DNAH17: variants seen among roughly 807,000 people sequenced by gnomAD.
DNAH17 encodes the protein axonemal beta dynein heavy chain 17.
A neutral mutation model predicts 485.6 loss-of-function variants in DNAH17; 376 were observed. That is an observed-to-expected ratio of 0.77 (90% CI 0.71 to 0.84). DNAH17 has a LOEUF of 0.84. Ranked by LOEUF, DNAH17 falls within the 40% of genes least tolerant of loss-of-function variation. The probability of loss-of-function intolerance (pLI) is 0.00; values close to 1 mark genes in which losing one functional copy is unlikely to be tolerated. For missense variants in DNAH17, 6,370 were observed against 5,839.3 expected (o/e 1.09, Z -2.96); for synonymous variants, 3,031 against 2,405.9 (o/e 1.26, Z -7.60).
rs1439984739 is a variant in DNAH17, at chr17:78,499,029, G to A, written c.5724C>T (p.Val1908=). ...FDEFNRISVE[V]LSVIAVQVKC... ...TTACCTGCACGGCAATCACAGACAA[G>A]ACTTCCACTGAGATGCGATTAAACT... The change falls in exon 37 of 81, where the codon GTC becomes GTT. Residue 1908 remains valine (V), a synonymous_variant. Transcript: ENST00000389840. 3.7e-6 allele frequency: 6 copies of A among 1,610,502 alleles called. No individual in the cohort carries two copies. Among genetic ancestry groups the A allele is most frequent in the Non-Finnish European group, 3.4e-6 (4 of 1,178,392 alleles).
At chr17:78,489,732 A>C (rs1344643260) in intron 44 of DNAH17, among the ~76,000 whole-genome samples, 1 of 146,554 alleles carries the variant, frequency 6.8e-6, no homozygotes, top group Non-Finnish European at 1.5e-5. Context: ...TTTTTTCATC[A>C]CTCTCTACAT....
intron 19 of DNAH17, among the ~76,000 whole-genome samples, chr17:78,533,502 TAGAGC>T (rs943460803): frequency 3.9e-5 from 6 of 152,052 alleles, no homozygotes; most frequent in African/African-American, 1.4e-4. Flanking sequence ...TGTCGGTGGC[TAGAGC>T]AGAGAGCACG....
chr17:78,547,817 C>T (rs1391590601), intron 16 of DNAH17, among the ~76,000 whole-genome samples: 1 of 152,154 alleles, frequency 6.6e-6, no homozygotes, highest in African/African-American at 2.4e-5. Context: ...AGGGTTTCGC[C>T]ATGTGGGCCA....
intron 44 of DNAH17, among the ~76,000 whole-genome samples, chr17:78,487,602 G>A (rs1438232918): frequency 6.6e-6 from 1 of 152,172 alleles, no homozygotes; most frequent in Non-Finnish European, 1.5e-5. Context: ...TCGGCTCACT[G>A]CAACTTCTGC....
chr17:78,570,809 G>A (rs2092341330), intron 6 of DNAH17, 139 bp downstream of exon 6: 4 of 604,658 alleles, frequency 6.6e-6, no homozygotes, highest in South Asian at 6.5e-5. Flanking sequence ...AGTGAGCCGA[G>A]ATCGCGCCAC....
intron 52 of DNAH17, 113 bp from the exon 53 acceptor site, chr17:78,475,946 C>T: frequency 8.0e-7 from 1 of 1,247,744 alleles, no homozygotes. Flanking sequence ...ACCACGGGGT[C>T]CCAGGCCAAG....
At chr17:78,554,450 A>G (rs2091976240) in intron 14 of DNAH17, among the ~76,000 whole-genome samples, 1 of 142,152 alleles carries the variant, frequency 7.0e-6, no homozygotes, top group Non-Finnish European at 1.5e-5. Context: ...AAAAAAAAAA[A>G]AAAAAAAAAA....
rs1290789377 is a variant in DNAH17, at chr17:78,492,619, A to C, written c.6541+14T>G. The C allele has an allele frequency of 1.2e-6, 2 of 1,613,102 alleles. No homozygotes were observed. Among genetic ancestry groups the C allele is most frequent in the Non-Finnish European group, 1.7e-6 (2 of 1,179,520 alleles). On this transcript the variant is annotated intron_variant, in intron 42 of 80. Transcript: ENST00000389840. ...GAGTGCCCCTGCAGCCTGTCCCGGG[A>C]CCACCCTCGTTACCATCTTTCCATT...
chr17:78,443,190 A>G (rs1386149559), intron 71 of DNAH17, among the ~76,000 whole-genome samples: 2 of 152,152 alleles, frequency 1.3e-5, no homozygotes, highest in African/African-American at 2.4e-5. Flanking sequence ...CTCTCAGGAG[A>G]TGGGGAAGGT....
rs776512644 is a variant in DNAH17, at chr17:78,505,335, G to T, written c.4914C>A (p.Asp1638Glu). Residue 1638 changes from aspartate to glutamate, a missense_variant, in exon 31 of 81, where the codon GAC (aspartate) becomes GAA (glutamate). Coordinates refer to ENST00000389840, the MANE Select transcript of DNAH17 (RefSeq NM_173628.4). The stretch of plus-strand genomic sequence containing the variant: ...ATTCCTGATCAAAAACCATGTACTC[G>T]TCCTCCTTGCTGTACATTCCCAGGC... Reference protein sequence around the residue: ...KVGLGMYSKEDEYMVFDQECD... With the variant: ...KVGLGMYSKEEEYMVFDQECD... 2 of 1,613,838 alleles carry T rather than the reference G, an allele frequency of 1.2e-6. No homozygotes were observed. Among genetic ancestry groups the T allele is most frequent in the South Asian group, 2.2e-5 (2 of 91,060 alleles).
chr17:78,475,873 C>A, intron 52 of DNAH17, 40 bp from the exon 53 acceptor site: 1 of 1,596,920 alleles, frequency 6.3e-7, no homozygotes, highest in Non-Finnish European at 8.5e-7. Context: ...CCGGTTTTTG[C>A]CACCATGACC....
intron 16 of DNAH17, among the ~76,000 whole-genome samples, chr17:78,548,017 A>G (rs2091811493): frequency 1.3e-5 from 2 of 152,098 alleles, no homozygotes; most frequent in African/African-American, 2.4e-5. Context: ...GCAATTTCCT[A>G]AAATTGTCCT....
intron 26 of DNAH17, among the ~76,000 whole-genome samples, chr17:78,511,245 C>T (rs2090628742): frequency 6.6e-6 from 1 of 152,186 alleles, no homozygotes; most frequent in African/African-American, 2.4e-5. Context: ...GTAGCTGGGA[C>T]TACAGGCACG....
Position 78,434,129 on chromosome 17 carries a change from T to G in DNAH17, c.12125A>C (p.Lys4042Thr), listed in dbSNP as rs779955125. 5.0e-6 allele frequency: 8 copies of G among 1,613,562 alleles called. No homozygotes were observed. The African/African-American group carries it at 1.1e-4, about 22-fold the overall frequency. Residue 4042 changes from lysine (K) to threonine (T), a missense_variant, in exon 75 of 81, where the codon AAG becomes ACG. By Grantham distance (78) the Lys-to-Thr change is moderately conservative. Coordinates refer to ENST00000389840, the MANE Select transcript of DNAH17 (RefSeq NM_173628.4). ...YFHAVVAERR[K>T]FGAQGWNRSY... is the part of the protein sequence containing the mutation. ...CCGGTTCCAGCCCTGGGCGCCGAAC[T>G]TGCGCCTCTCTGCCACCACAGCGTG...
chr17:78,495,091 A>AC lies in DNAH17; in HGVS notation c.5909dup (p.Cys1970TrpfsTer13). On this transcript the variant is annotated frameshift_variant, in exon 39 of 81. Coordinates refer to ENST00000389840, the MANE Select transcript of DNAH17 (RefSeq NM_173628.4). LOFTEE classifies it high-confidence loss of function. ...GTTCGAAGTCGGGGACGACCATGGC[A>AC]CAGGGCCTGGGGAGGTCAGCGGTGC... The AC allele has an allele frequency of 6.2e-7, 1 of 1,606,816 alleles. No homozygotes were observed. Among genetic ancestry groups the AC allele is most frequent in the Non-Finnish European group, 8.5e-7 (1 of 1,176,922 alleles).
At chr17:78,500,535 G>A in intron 35 of DNAH17, 74 bp from the exon 36 acceptor site, 1 of 1,405,322 alleles carries the variant, frequency 7.1e-7, no homozygotes, top group South Asian at 1.5e-5. Flanking sequence ...TTGAGACAGA[G>A]TCTCACTCTG....
chr17:78,468,808 C>G lies in DNAH17; in HGVS notation c.8587G>C (p.Val2863Leu). ...PSVFLMTDSQ[V>L]AEEQFLVLIN... Reference sequence around the variant, plus strand: ...AGCACCAGAAACTGCTCCTCGGCCACCTGGGAGTCTGTCATCAGGAACACC... The same window carrying G: ...AGCACCAGAAACTGCTCCTCGGCCAGCTGGGAGTCTGTCATCAGGAACACC... Residue 2863 changes from valine to leucine, a missense_variant, in exon 55 of 81, where the codon GTG becomes CTG. Physicochemically the swap from Val to Leu is conservative, Grantham distance 32. Coordinates refer to ENST00000389840, the MANE Select transcript of DNAH17 (RefSeq NM_173628.4). 6.2e-7 allele frequency: 1 copy of G among 1,614,036 alleles called. No individual in the cohort carries two copies.
chr17:78,519,982 G>A (rs992840499), intron 25 of DNAH17, among the ~76,000 whole-genome samples: 5 of 151,954 alleles, frequency 3.3e-5, no homozygotes, highest in African/African-American at 1.2e-4. Flanking sequence ...GTGGTGGTGG[G>A]CACCTGTAAT....
chr17:78,542,119 C>T (rs1240254370), intron 17 of DNAH17, among the ~76,000 whole-genome samples: 5 of 149,002 alleles, frequency 3.4e-5, no homozygotes, highest in Non-Finnish European at 3.0e-5. Context: ...TGGAAACCGC[C>T]CCCCCCAAAA....
Sources: allele counts gnomAD v4.1 joint callset (sites outside exome capture counted in the v4.1 genomes callset), GRCh38; gene constraint gnomAD v4.1.1; transcripts MANE v1.5; gene names NCBI Gene and HGNC (gene_info 2026-07-23, HGNC 2026-07-21).